The following SLC38A1 variants were observed in gnomAD, a reference collection of about 807,000 sequenced individuals.
The protein encoded by SLC38A1 is solute carrier family 38 member 1.
SLC38A1 carries 18 observed loss-of-function variants against 60.3 expected under a neutral mutation model. That is an observed-to-expected ratio of 0.30 (90% CI 0.21 to 0.44). The LOEUF (loss-of-function observed/expected upper bound fraction) is 0.44. Ranked by LOEUF, SLC38A1 falls within the 20% of genes least tolerant of loss-of-function variation. The pLI is 1.00. For missense variants in SLC38A1, 448 were observed against 587.2 expected, an observed-to-expected ratio of 0.76 and a Z score of 2.45; for synonymous variants, 196 against 212.1, an observed-to-expected ratio of 0.92 and a Z score of 0.66.
rs1226212068 is a variant in SLC38A1 at position 46,186,908 on chromosome 12, A to G, written c.*2062T>C. ...TTTTTAAAGGTACAGTCATCCCACT[A>G]CCTGGCTATTTCATTACTTGGTGCT... On this transcript the variant is annotated 3_prime_UTR_variant, in exon 17 of 17. Coordinates refer to ENST00000398637, the MANE Select transcript of SLC38A1 (RefSeq NM_030674.4). 6.6e-6 allele frequency: 1 copy of G among 152,190 alleles called. No individual in the cohort carries two copies. Among genetic ancestry groups the G allele is most frequent in the Non-Finnish European group, 1.5e-5 (1 of 68,046 alleles). The allele number at this position is 152,190 out of a possible 1,614,324, so 9.4% of individuals were successfully genotyped here.
intron 1 of SLC38A1, among the ~76,000 whole-genome samples, chr12:46,264,190 A>G (rs761654966): frequency 1.3e-5 from 2 of 152,248 alleles, no homozygotes; most frequent in Admixed American, 6.5e-5. Context: ...TTAATGCCAG[A>G]TGACTATCAT....
chr12:46,218,569 C>T (rs1940517093), intron 5 of SLC38A1, among the ~76,000 whole-genome samples: 1 of 152,122 alleles, frequency 6.6e-6, no homozygotes, highest in East Asian at 1.9e-4. Context: ...GGGCAAGTTG[C>T]TTAGCCTCCG....
chr12:46,203,245 G>A (rs1274264480), intron 11 of SLC38A1, among the ~76,000 whole-genome samples, 156 bp from the exon 12 acceptor site: 2 of 152,154 alleles, frequency 1.3e-5, no homozygotes, highest in African/African-American at 4.8e-5. Context: ...AGTAGAAGCA[G>A]CTTTTCTAAG....
At chr12:46,210,105 C>G (rs921504157) in intron 5 of SLC38A1, among the ~76,000 whole-genome samples, 1 of 152,198 alleles carries the variant, frequency 6.6e-6, no homozygotes, top group Admixed American at 6.5e-5. Flanking sequence ...GCCGTTCGCT[C>G]TGCGTGGGCT....
At chr12:46,259,135 A>C (rs1942122648) in intron 1 of SLC38A1, among the ~76,000 whole-genome samples, 1 of 152,212 alleles carries the variant, frequency 6.6e-6, no homozygotes, top group East Asian at 1.9e-4. Context: ...ATGTATACCA[A>C]AACATCACGT....
chr12:46,210,435 T>G (rs905874959), intron 5 of SLC38A1, among the ~76,000 whole-genome samples: 1 of 152,234 alleles, frequency 6.6e-6, no homozygotes, highest in African/African-American at 2.4e-5. Flanking sequence ...GAGGCCCAAC[T>G]GATCTGCCAA....
chr12:46,249,624 A>G (rs1443021977), intron 1 of SLC38A1, among the ~76,000 whole-genome samples: 1 of 152,208 alleles, frequency 6.6e-6, no homozygotes, highest in Non-Finnish European at 1.5e-5. Flanking sequence ...AGAAGAATCA[A>G]ATAGATGCAA....
intron 16 of SLC38A1, among the ~76,000 whole-genome samples, chr12:46,192,761 G>A (rs1464012112): frequency 2.0e-5 from 3 of 152,146 alleles, no homozygotes; most frequent in Non-Finnish European, 4.4e-5. Context: ...TTGTATTTCT[G>A]TGGGATCGGT....
intron 1 of SLC38A1, among the ~76,000 whole-genome samples, chr12:46,257,912 T>G (rs1194060600): frequency 1.3e-5 from 2 of 152,028 alleles, no homozygotes; most frequent in South Asian, 4.1e-4. Context: ...TCAGGGTGAG[T>G]CCATAGAGTA....
chr12:46,255,030 GT>G (rs1941976177), intron 1 of SLC38A1: 2 of 152,186 alleles, frequency 1.3e-5, no homozygotes, highest in African/African-American at 4.8e-5. Context: ...GTTAACCCCT[GT>G]TCTTGATATT....
rs146387838 is a variant in SLC38A1 at position 46,223,452 on chromosome 12, T to TCACACACACA, written c.314+5691_314+5700dup. 3.6e-4 allele frequency among the ~76,000 whole-genome samples: 52 copies of TCACACACACA among 146,184 alleles called. 1 individual carries two copies. Among genetic ancestry groups the TCACACACACA allele is most frequent in the African/African-American group, 1.2e-3 (50 of 40,224 alleles). On this transcript the variant is annotated intron_variant, in intron 5 of 16. Transcript: ENST00000398637. ...CTCCATCTCTCTTTCTCTCTCACAT[T>TCACACACACA]CACACACACACACACACACACACAC...
chr12:46,204,362 A>T lies in SLC38A1; in HGVS notation c.761T>A (p.Ile254Lys). The change falls in exon 11 of 17, where the codon ATA (isoleucine) becomes AAA (lysine). Residue 254 changes from isoleucine (I) to lysine (K), a missense_variant. Ile to Lys is a moderately radical substitution (Grantham distance 102, BLOSUM62 -3). Transcript: ENST00000398637. ...GTCAGCATTTGTTGAATTAGCACTT[A>T]TTGTTGAATTTAGCTCTGGAACAAT... ...PCIVPELNST[I>K]SANSTNADTC... 1 of 1,613,818 alleles carries T rather than the reference A, an allele frequency of 6.2e-7. No individual in the cohort carries two copies. The highest frequency in any genetic ancestry group is 8.5e-7 in the Non-Finnish European group (1 of 1,179,822).
intron 5 of SLC38A1, among the ~76,000 whole-genome samples, chr12:46,228,941 T>G (rs2137908010): frequency 6.6e-6 from 1 of 152,310 alleles, no homozygotes; most frequent in South Asian, 2.1e-4. Flanking sequence ...GTATTTTTGA[T>G]TAATAAAAAG....
chr12:46,191,114 G>A (rs1486482478), intron 16 of SLC38A1, among the ~76,000 whole-genome samples: 1 of 152,164 alleles, frequency 6.6e-6, no homozygotes, highest in Non-Finnish European at 1.5e-5. Context: ...TTTGTATATG[G>A]TGTAAGGAAG....
intron 16 of SLC38A1, 22 bp downstream of exon 16, chr12:46,197,698 G>T: frequency 7.0e-7 from 1 of 1,418,944 alleles, no homozygotes; most frequent in South Asian, 1.2e-5. Context: ...AGAAAAGTTA[G>T]AGTGGCTGGC....
Position 46,186,435 on chromosome 12 carries a change from C to T in SLC38A1, c.*2535G>A, listed in dbSNP as rs1170449153. The T allele has an allele frequency of 6.6e-6, 1 of 152,178 alleles. No individual in the cohort carries two copies. Among genetic ancestry groups the T allele is most frequent in the African/African-American group, 2.4e-5 (1 of 41,430 alleles). The allele number at this position is 152,178 out of a possible 1,614,324, so 9.4% of individuals were successfully genotyped here. ...ATCTACTAATTTAGCAGAAAAACTT[C>T]CATAGCACTTGACTGTGCTGTTTAA... On this transcript the variant is annotated 3_prime_UTR_variant, in exon 17 of 17. Coordinates refer to ENST00000398637, the MANE Select transcript of SLC38A1 (RefSeq NM_030674.4).
At chr12:46,208,282 T>TCG (rs1284411903) in intron 6 of SLC38A1, among the ~76,000 whole-genome samples, 12 of 152,224 alleles carry the variant, frequency 7.9e-5, no homozygotes, top group Non-Finnish European at 1.2e-4. Context: ...ACTGAAACTC[T>TCG]AAAGCATTCA....
intron 4 of SLC38A1, 74 bp from the exon 5 acceptor site, chr12:46,229,342 G>T: frequency 3.9e-6 from 4 of 1,015,362 alleles, no homozygotes; most frequent in Non-Finnish European, 6.0e-6. Flanking sequence ...AGCCTTTAAT[G>T]CACTCTCAGG....
chr12:46,251,110 G>A (rs1053315155), intron 1 of SLC38A1, among the ~76,000 whole-genome samples: 1 of 152,218 alleles, frequency 6.6e-6, no homozygotes, highest in Non-Finnish European at 1.5e-5. Context: ...CAAGGCTACA[G>A]TAATCAAAAC....
Sources: gnomAD v4.1 joint callset for allele counts (sites outside exome capture counted in the v4.1 genomes callset) on GRCh38, gnomAD v4.1.1 for gene constraint, MANE v1.5 for transcripts, NCBI Gene and HGNC (gene_info 2026-07-23, HGNC 2026-07-21) for gene names.